The following CDK11B variants were observed in gnomAD, a reference collection of about 807,000 sequenced individuals.
The protein encoded by CDK11B is cyclin-dependent kinase 11B.
Under a neutral mutation model 84.0 loss-of-function variants are expected in CDK11B, and 37 were observed. The observed-to-expected ratio is 0.44, with a 90% confidence interval of 0.34 to 0.58. The LOEUF (loss-of-function observed/expected upper bound fraction) is 0.58. Among genes scored for constraint, CDK11B ranks in the 20% least tolerant of loss-of-function variants. The probability of loss-of-function intolerance (pLI) is 0.02; values close to 1 mark genes in which losing one functional copy is unlikely to be tolerated. For missense variants in CDK11B, 427 were observed against 834.0 expected, an observed-to-expected ratio of 0.51 and a Z score of 6.01; for synonymous variants, 269 against 309.8, an observed-to-expected ratio of 0.87 and a Z score of 1.38.
Position 1,654,693 on chromosome 1 carries a change from C to G in CDK11B, c.227+676G>C, listed in dbSNP as rs577437263. Among the ~76,000 whole-genome samples, 8 of 147,796 alleles carry G rather than the reference C, an allele frequency of 5.4e-5. No individual in the cohort carries two copies. The East Asian group carries it at 1.4e-3, about 26-fold the overall frequency. Reference sequence around the variant, plus strand: ...TTTTTTTTAGAGGCGGGGTCTTGCTCTGTCGCCCAGGCTGGGGTGCAGTGA... The same window carrying G: ...TTTTTTTTAGAGGCGGGGTCTTGCTGTGTCGCCCAGGCTGGGGTGCAGTGA... On this transcript the variant is annotated intron_variant, in intron 3 of 19. Coordinates refer to ENST00000341832, the MANE Select transcript of CDK11B (RefSeq NM_033486.3).
rs1419690396 is a variant in CDK11B at position 1,636,894 on chromosome 1, C to T, written c.1800+3G>A. On this transcript the variant is annotated splice_donor_region_variant and intron_variant, in intron 16 of 19. Coordinates refer to ENST00000341832, the MANE Select transcript of CDK11B (RefSeq NM_033486.3). ...GGGAGGCACTCAGACGCCCAGGACTCACCTTGGCACCAAGCAGCAGCTCTG... is the reference window on the plus strand; with the variant it reads ...GGGAGGCACTCAGACGCCCAGGACTTACCTTGGCACCAAGCAGCAGCTCTG... 2 of 1,606,252 alleles carry T rather than the reference C, an allele frequency of 1.2e-6. No individual in the cohort carries two copies. The highest frequency in any genetic ancestry group is 8.5e-7 in the Non-Finnish European group (1 of 1,175,094).
intron 1 of CDK11B, among the ~76,000 whole-genome samples, chr1:1,657,900 G>GT (rs1255978820): frequency 1.2e-4 from 14 of 116,376 alleles, no homozygotes; most frequent in South Asian, 2.7e-4. Context: ...GTAAGACTTG[G>GT]TTAAAAAAAA....
In CDK11B at chr1:1,655,235, A is replaced by G; in HGVS notation, c.227+134T>C. The G allele has an allele frequency of 8.0e-6, 9 of 1,126,048 alleles. No homozygotes were observed. In the South Asian group the frequency reaches 1.4e-4, roughly 18 times the overall value. 69.8% of individuals were successfully genotyped at this position (1,126,048 alleles called of 1,614,324 possible). On this transcript the variant is annotated intron_variant, in intron 3 of 19. Transcript: ENST00000341832. ...ACATAAAAACCTCAATAGTTACGCT[A>G]TGTCACAGTAACTCTAGGAAAGAGT...
chr1:1,656,979 C>T (rs1642838094), intron 2 of CDK11B, among the ~76,000 whole-genome samples: 1 of 152,196 alleles, frequency 6.6e-6, no homozygotes, highest in Non-Finnish European at 1.5e-5. Context: ...AAAAGGTTTC[C>T]TGAGTACATT....
chr1:1,649,380 C>T (rs1383679870), intron 5 of CDK11B, 119 bp downstream of exon 5: 47 of 741,632 alleles, frequency 6.3e-5, no homozygotes, highest in East Asian at 1.8e-4. Flanking sequence ...GGATTACAGG[C>T]GTGAGCCACC....
At chr1:1,649,379 G>T (rs1641598471) in intron 5 of CDK11B, 120 bp downstream of exon 5, 5 of 738,864 alleles carry the variant, frequency 6.8e-6, no homozygotes, top group Admixed American at 4.4e-5. Context: ...GGGATTACAG[G>T]CGTGAGCCAC....
intron 3 of CDK11B, among the ~76,000 whole-genome samples, chr1:1,653,374 G>A (rs547890347): frequency 1.3e-5 from 2 of 151,914 alleles, no homozygotes; most frequent in African/African-American, 4.8e-5. Flanking sequence ...AGCCTAGAGT[G>A]CAGAGGCACA....
At chr1:1,652,699 T>C (rs1642164144) in intron 3 of CDK11B, 133 bp from the exon 4 acceptor site, 11 of 654,032 alleles carry the variant, frequency 1.7e-5, no homozygotes, top group Non-Finnish European at 2.4e-5. Context: ...ATTTAAAAAA[T>C]TACATTAATT....
chr1:1,655,154 A>C (rs1354938762), intron 3 of CDK11B, among the ~76,000 whole-genome samples: 1 of 152,124 alleles, frequency 6.6e-6, no homozygotes, highest in African/African-American at 2.4e-5. Context: ...TTACAGAAAG[A>C]AGGGGCAAGG....
chr1:1,656,536 TC>T (rs1005187705), intron 2 of CDK11B, among the ~76,000 whole-genome samples: 2 of 152,048 alleles, frequency 1.3e-5, no homozygotes, highest in African/African-American at 4.8e-5. Flanking sequence ...CCTGTTGTAA[TC>T]CCAGCACTTT....
rs782129056 is a variant in CDK11B, at chr1:1,653,825, TACACACAC to T, written c.228-1267_228-1260del. On this transcript the variant is annotated intron_variant, in intron 3 of 19. Coordinates refer to ENST00000341832, the MANE Select transcript of CDK11B (RefSeq NM_033486.3). ...CAGTGAAATCCGTCTCTACTAAAAA[TACACACAC>T]ACACACACACACACACACACACACA... Among the ~76,000 whole-genome samples, 47 of 121,874 alleles carry T rather than the reference TACACACAC, an allele frequency of 3.9e-4. No individual in the cohort carries two copies. The East Asian group carries it at 4.6e-3, about 12-fold the overall frequency. 80.0% of individuals were successfully genotyped at this position (121,874 alleles called of 152,430 possible).
chr1:1,657,926 A>AAAAG lies in CDK11B; in HGVS notation c.-13-429_-13-428insCTTT, dbSNP rs1491275354. Among the ~76,000 whole-genome samples the AAAAG allele has an allele frequency of 1.1e-4, 13 of 113,340 alleles. 1 individual carries two copies. The highest frequency in any genetic ancestry group is 4.5e-4 in the African/African-American group (12 of 26,538). The allele number at this position is 113,340 out of a possible 152,430, so 74.4% of individuals were successfully genotyped here. On this transcript the variant is annotated intron_variant, in intron 1 of 19. Coordinates refer to ENST00000341832, the MANE Select transcript of CDK11B (RefSeq NM_033486.3). ...TTAAAAAAAAAAAAAAAAAAAAAAAAGTAAGCTCTAGGCTGAGGCGGGTGG... is the reference window on the plus strand; with the variant it reads ...TTAAAAAAAAAAAAAAAAAAAAAAAAAAAGGTAAGCTCTAGGCTGAGGCGGGTGG...
intron 12 of CDK11B, among the ~76,000 whole-genome samples, chr1:1,638,098 CACAGCCACCT>C (rs1399849595): frequency 6.6e-6 from 1 of 152,188 alleles, no homozygotes. Context: ...CACAGACACT[CACAGCCACCT>C]ACAGCCACCT....
At chr1:1,656,796 T>G (rs995432214) in intron 2 of CDK11B, among the ~76,000 whole-genome samples, 2 of 152,124 alleles carry the variant, frequency 1.3e-5, no homozygotes, top group African/African-American at 4.8e-5. Flanking sequence ...GGAAAAATGC[T>G]CAATGCAGAG....
At position 1,636,663 on chromosome 1, in the gene CDK11B, G is replaced by T; in HGVS notation, c.1917+19C>A. 1 of 1,613,714 alleles carries T rather than the reference G, an allele frequency of 6.2e-7. No homozygotes were observed. ...TCCTCCACAACCCCACAGCGCACCT[G>T]CAGCAGGGCCAGACCCACCTTGAAC... is the stretch of plus-strand genomic sequence containing the variant. On this transcript the variant is annotated intron_variant, in intron 17 of 19. Transcript: ENST00000341832.
At position 1,649,648 on chromosome 1, in the gene CDK11B, A is replaced by G. The variant is rs1484289777; in HGVS notation, c.356-11T>C. On this transcript the variant is annotated splice_polypyrimidine_tract_variant and intron_variant, in intron 4 of 19. Coordinates refer to ENST00000341832, the MANE Select transcript of CDK11B (RefSeq NM_033486.3). ...CTCTAGCATGCTTCCCTAATGAGAA[A>G]TAAAGTGTCATGCAAAGAAACCTCA... The G allele has an allele frequency of 6.2e-7, 1 of 1,609,574 alleles. No individual in the cohort carries two copies. The highest frequency in any genetic ancestry group is 2.2e-5 in the East Asian group (1 of 44,872).
At chr1:1,651,254 TA>T (rs1641964152) in intron 4 of CDK11B, among the ~76,000 whole-genome samples, 1 of 152,184 alleles carries the variant, frequency 6.6e-6, no homozygotes, top group Non-Finnish European at 1.5e-5. Flanking sequence ...ATTTTAAATG[TA>T]AACAAACTGC....
In CDK11B at chr1:1,641,566, G is replaced by A. The variant is rs1640310616; in HGVS notation, c.1009+96C>T. On this transcript the variant is annotated intron_variant, in intron 9 of 19. Transcript: ENST00000341832. ...TGTCCCGAGAGAGTCCTAGATAGAA[G>A]GGAGTTTCAACTCCCCCGCCCGCCA... 7.1e-6 allele frequency: 4 copies of A among 562,268 alleles called. 1 individual carries two copies. Among genetic ancestry groups the A allele is most frequent in the Non-Finnish European group, 1.3e-5 (4 of 319,756 alleles). The allele number at this position is 562,268 out of a possible 1,614,324, so 34.8% of individuals were successfully genotyped here. A position where few individuals can be genotyped will look rare whatever the true frequency, so the allele number is the denominator to read the frequency against.
rs1269985333 is a variant in CDK11B, at chr1:1,637,132, G to A, written c.1641C>T (p.His547=). 1.2e-6 allele frequency: 2 copies of A among 1,613,626 alleles called. No homozygotes were observed. Among genetic ancestry groups the A allele is most frequent in the Non-Finnish European group, 1.7e-6 (2 of 1,179,870 alleles). Residue 547 remains histidine, a synonymous_variant, in exon 15 of 20, where the codon CAC becomes CAT. Transcript: ENST00000341832. ...VKHLHDNWIL[H]RDLKTSNLLL... ...GCAGGTTGGACGTCTTGAGGTCACG[G>A]TGCAGGATCCAGTTGTCGTGCAGGT...
Sources: allele counts gnomAD v4.1 joint callset (sites outside exome capture counted in the v4.1 genomes callset), GRCh38; gene constraint gnomAD v4.1.1; transcripts MANE v1.5; gene names NCBI Gene and HGNC (gene_info 2026-07-23, HGNC 2026-07-21).